TNFSF18: variants seen among roughly 807,000 people sequenced by gnomAD.
The protein encoded by TNFSF18 is tumor necrosis factor ligand superfamily member 18.
TNFSF18 carries 6 observed loss-of-function variants against 9.6 expected under a neutral mutation model. The observed-to-expected ratio is 0.63, with a 90% confidence interval of 0.34 to 1.24. The LOEUF is 1.24. Ranked by LOEUF, TNFSF18 falls within the 50% of genes most tolerant of loss-of-function variation. TNFSF18 has a pLI of 0.03. For missense variants in TNFSF18, 210 were observed against 201.0 expected, an observed-to-expected ratio of 1.04 and a Z score of -0.27; for synonymous variants, 68 against 71.7, an observed-to-expected ratio of 0.95 and a Z score of 0.26.
rs774617059 is a variant in TNFSF18, at chr1:173,041,753, G to T, written c.188-40C>A. 4.1e-6 allele frequency: 6 copies of T among 1,481,352 alleles called. No individual in the cohort carries two copies. In the Admixed American group the frequency reaches 6.7e-5, roughly 16 times the overall value. The allele number at this position is 1,481,352 out of a possible 1,614,324, so 91.8% of individuals were successfully genotyped here. On this transcript the variant is annotated intron_variant, in intron 2 of 2. Coordinates refer to ENST00000404377, the MANE Select transcript of TNFSF18 (RefSeq NM_005092.4). ...CAAGGATAAAAAAGATGAAAGCATA[G>T]TTATTTCATTATTTCATCCTTTTCC...
chr1:173,047,884 T>C (rs1004807127), intron 1 of TNFSF18, among the ~76,000 whole-genome samples: 4 of 152,164 alleles, frequency 2.6e-5, no homozygotes, highest in Non-Finnish European at 4.4e-5. Flanking sequence ...TAGTGTTTGA[T>C]TGAGAGAGTG....
rs1228421523 is a variant in TNFSF18 at position 173,041,200 on chromosome 1, G to A, written c.*167C>T. On this transcript the variant is annotated 3_prime_UTR_variant, in exon 3 of 3. Coordinates refer to ENST00000404377, the MANE Select transcript of TNFSF18 (RefSeq NM_005092.4). Reference sequence around the variant, plus strand: ...CAAAAGTCTTTGGCTCTTCCCCTGAGTCTCTTTCAGATAGGCATGATAGAT... The same window carrying A: ...CAAAAGTCTTTGGCTCTTCCCCTGAATCTCTTTCAGATAGGCATGATAGAT... The A allele has an allele frequency of 1.7e-6, 1 of 580,736 alleles. No individual in the cohort carries two copies. Among genetic ancestry groups the A allele is most frequent in the African/African-American group, 1.9e-5 (1 of 53,072 alleles). 36.0% of individuals were successfully genotyped at this position (580,736 alleles called of 1,614,324 possible).
Position 173,041,495 on chromosome 1 carries a change from C to T in TNFSF18, c.406G>A (p.Val136Ile), listed in dbSNP as rs1434998144. The change falls in exon 3 of 3, where the codon GTA (valine) becomes ATA (isoleucine). Residue 136 changes from valine to isoleucine, a missense_variant. Physicochemically the swap from Val to Ile is conservative, Grantham distance 29 (BLOSUM62 3). Coordinates refer to ENST00000404377, the MANE Select transcript of TNFSF18 (RefSeq NM_005092.4). ...ACATGCAATTCATAAGTCCCTCCTA[C>T]ATTTTGGATTTTAGATTTGTTTGTT... ...TLTNKSKIQN[V>I]GGTYELHVGD... 2 of 1,613,578 alleles carry T rather than the reference C, an allele frequency of 1.2e-6. No individual in the cohort carries two copies. The highest frequency in any genetic ancestry group is 1.7e-5 in the Admixed American group (1 of 59,930).
chr1:173,044,827 A>G (rs541678679), intron 1 of TNFSF18, among the ~76,000 whole-genome samples: 6 of 152,166 alleles, frequency 3.9e-5, no homozygotes, highest in Non-Finnish European at 8.8e-5. Flanking sequence ...ACAGTCATTC[A>G]TCTAGGCAAG....
chr1:173,044,045 C>A (rs1398677659), intron 1 of TNFSF18, 76 bp from the exon 2 acceptor site: 1 of 1,345,144 alleles, frequency 7.4e-7, no homozygotes, highest in Admixed American at 1.7e-5. Flanking sequence ...TTATTTAGAG[C>A]TTTGAATTCC....
intron 1 of TNFSF18, among the ~76,000 whole-genome samples, chr1:173,045,461 A>G (rs1050647468): frequency 6.6e-6 from 1 of 152,204 alleles, no homozygotes; most frequent in Non-Finnish European, 1.5e-5. Flanking sequence ...GCAACATGGT[A>G]GTCACTGGAG....
intron 1 of TNFSF18, 51 bp downstream of exon 1, chr1:173,050,686 CAAAT>C (rs61761342): frequency 8.0e-7 from 1 of 1,242,926 alleles, no homozygotes; most frequent in African/African-American, 1.5e-5. Context: ...ACTAGAAAAA[CAAAT>C]AAATAGAGGA....
intron 1 of TNFSF18, among the ~76,000 whole-genome samples, chr1:173,050,051 G>T (rs1665144288): frequency 6.6e-6 from 1 of 152,110 alleles, no homozygotes; most frequent in South Asian, 2.1e-4. Flanking sequence ...TAAAGTCATT[G>T]TTCCCTGCTT....
In TNFSF18 at chr1:173,039,867, A is replaced by C. The variant is rs1305649599; in HGVS notation, c.*1500T>G. The C allele has an allele frequency of 6.6e-6, 1 of 152,048 alleles. No individual in the cohort carries two copies. The highest frequency in any genetic ancestry group is 1.5e-5 in the Non-Finnish European group (1 of 68,002). 9.4% of individuals were successfully genotyped at this position (152,048 alleles called of 1,614,324 possible). ...GTAGCTACTCAGCAGATGTTTTTTT[A>C]AAAAGTCATACTAAGAAACAACTTG... On this transcript the variant is annotated 3_prime_UTR_variant, in exon 3 of 3. Transcript: ENST00000404377.
chr1:173,045,071 C>T (rs1354311171), intron 1 of TNFSF18, among the ~76,000 whole-genome samples: 1 of 152,110 alleles, frequency 6.6e-6, no homozygotes, highest in Non-Finnish European at 1.5e-5. Context: ...TGGTTGTGGA[C>T]ATATTAGTTT....
chr1:173,044,076 T>C, intron 1 of TNFSF18, 107 bp from the exon 2 acceptor site: 2 of 1,051,072 alleles, frequency 1.9e-6, no homozygotes, highest in South Asian at 2.6e-5. Flanking sequence ...TAGTGTTCTA[T>C]AACCATAAAA....
chr1:173,048,156 G>T (rs141730526), intron 1 of TNFSF18, among the ~76,000 whole-genome samples: 26 of 152,264 alleles, frequency 1.7e-4, no homozygotes, highest in East Asian at 5.8e-4. Flanking sequence ...GCAAGAATGA[G>T]ATCTACACCC....
chr1:173,041,794 ATTTACCACATACATG>A, intron 2 of TNFSF18, 81 bp from the exon 3 acceptor site: 1 of 1,303,046 alleles, frequency 7.7e-7, no homozygotes, highest in African/African-American at 1.5e-5. Context: ...GTAGTTAATT[ATTTACCACATACATG>A]TTGTTTCTTT....
At chr1:173,044,525 A>C (rs1420071730) in intron 1 of TNFSF18, among the ~76,000 whole-genome samples, 1 of 152,208 alleles carries the variant, frequency 6.6e-6, no homozygotes, top group Non-Finnish European at 1.5e-5. Flanking sequence ...GACTACTGCA[A>C]TGTACGGCAG....
intron 1 of TNFSF18, among the ~76,000 whole-genome samples, chr1:173,046,930 T>C (rs551301255): frequency 1.3e-5 from 2 of 152,164 alleles, no homozygotes; most frequent in Non-Finnish European, 1.5e-5. Flanking sequence ...TCTCATTCCG[T>C]TGCCCAGGCT....
rs772981007 is a variant in TNFSF18 at position 173,041,477 on chromosome 1, A to G, written c.424T>C (p.Leu142=). The change falls in exon 3 of 3, where the codon TTG becomes CTG. Residue 142 remains leucine, a synonymous_variant. Transcript: ENST00000404377. ...KIQNVGGTYE[L]HVGDTIDLIF... ...AAGTCTATGGTGTCCCCAACATGCA[A>G]TTCATAAGTCCCTCCTACATTTTGG... 8.8e-5 allele frequency: 142 copies of G among 1,613,460 alleles called. No homozygotes were observed. Among genetic ancestry groups the G allele is most frequent in the Admixed American group, 1.8e-4 (11 of 59,914 alleles).
At chr1:173,042,409 C>G (rs1333820943) in intron 2 of TNFSF18, among the ~76,000 whole-genome samples, 1 of 152,054 alleles carries the variant, frequency 6.6e-6, no homozygotes, top group African/African-American at 2.4e-5. Flanking sequence ...TTGAATGATA[C>G]TTCCATGTTC....
At chr1:173,044,907 C>T (rs893077741) in intron 1 of TNFSF18, among the ~76,000 whole-genome samples, 2 of 152,076 alleles carry the variant, frequency 1.3e-5, no homozygotes, top group African/African-American at 4.8e-5. Context: ...ATAGAGCCAA[C>T]AGAAGTTCCT....
Position 173,041,470 on chromosome 1 carries a change from A to G in TNFSF18, c.431T>C (p.Val144Ala), listed in dbSNP as rs772060296. 1.4e-5 allele frequency: 22 copies of G among 1,613,542 alleles called. No homozygotes were observed. The highest frequency in any genetic ancestry group is 4.0e-5 in the African/African-American group (3 of 75,016). Residue 144 changes from valine (V) to alanine (A), a missense_variant, in exon 3 of 3, where the codon GTT (valine) becomes GCT (alanine). Coordinates refer to ENST00000404377, the MANE Select transcript of TNFSF18 (RefSeq NM_005092.4). ...QNVGGTYELH[V>A]GDTIDLIFNS... is the part of the protein sequence containing the mutation. ...GAATATCAAGTCTATGGTGTCCCCA[A>G]CATGCAATTCATAAGTCCCTCCTAC...
Sources: gnomAD v4.1 joint callset for allele counts (sites outside exome capture counted in the v4.1 genomes callset) on GRCh38, gnomAD v4.1.1 for gene constraint, MANE v1.5 for transcripts, NCBI Gene and HGNC (gene_info 2026-07-23, HGNC 2026-07-21) for gene names.